Variants in TLR6 observed in about 807,000 individuals in gnomAD.
TLR6 encodes toll like receptor 6.
A neutral mutation model predicts 16.1 loss-of-function variants in TLR6; 9 were observed. The ratio of observed to expected loss-of-function variants is 0.56; its 90% CI spans 0.34 to 0.98. The LOEUF (loss-of-function observed/expected upper bound fraction) is 0.98. Ranked by LOEUF, TLR6 falls within the 50% of genes least tolerant of loss-of-function variation. The pLI is 0.02. For synonymous variants in TLR6, 340 were observed against 338.6 expected (o/e 1.00, Z -0.04); for missense variants, 786 against 921.0 (o/e 0.85, Z 1.90).
exon 2 of TLR6, chr4:38,824,005 G>C: frequency 6.6e-6 from 1 of 152,428 alleles, no homozygotes; most frequent in East Asian, 1.9e-4. Context: ...GGCCAAGGTC[G>C]GGCGCCCGGG....
exon 2 of TLR6, chr4:38,828,006 C>T: frequency 6.2e-7 from 1 of 1,614,104 alleles, no homozygotes; most frequent in South Asian, 1.1e-5. Flanking sequence ...CTGCCACATC[C>T]AGGAAGGTCA....
the TLR6 span, among the ~76,000 whole-genome samples, chr4:38,866,845 G>A: frequency 6.6e-6 from 1 of 152,076 alleles, no homozygotes; most frequent in Non-Finnish European, 1.5e-5. Context: ...GGAGAGACTA[G>A]GGCTATTTTT....
chr4:38,832,092 C>A (rs755015485), intron 1 of TLR6, among the ~76,000 whole-genome samples: 1 of 152,142 alleles, frequency 6.6e-6, no homozygotes, highest in Non-Finnish European at 1.5e-5. Context: ...ACATTGGAAG[C>A]AACAAGATAT....
At chr4:38,848,696 G>T (rs1712641773) in intron 1 of TLR6, among the ~76,000 whole-genome samples, 1 of 152,170 alleles carries the variant, frequency 6.6e-6, no homozygotes, top group Non-Finnish European at 1.5e-5. Context: ...ATGATCAAAT[G>T]AATGAAATGA....
chr4:38,823,176 G>A (rs1370303574), downstream of TLR6, among the ~76,000 whole-genome samples: 2 of 152,058 alleles, frequency 1.3e-5, no homozygotes, highest in Non-Finnish European at 2.9e-5. Context: ...ATTTGGGTGG[G>A]GACACAGCCA....
At chr4:38,853,481 A>G (rs902358598) in intron 1 of TLR6, among the ~76,000 whole-genome samples, 20 of 152,178 alleles carry the variant, frequency 1.3e-4, no homozygotes, top group African/African-American at 4.1e-4. Flanking sequence ...AAGAAAGAAA[A>G]TCATTATTAT....
At chr4:38,865,758 G>A in the TLR6 span, among the ~76,000 whole-genome samples, 4 of 152,206 alleles carry the variant, frequency 2.6e-5, no homozygotes, top group Non-Finnish European at 5.9e-5. Context: ...TCAAAGTCTC[G>A]CTCAATTCAA....
chr4:38,838,967 G>GAGGGA (rs144537573), intron 1 of TLR6, among the ~76,000 whole-genome samples: 15,131 of 128,756 alleles, frequency 0.12, 2,011 homozygotes, highest in African/African-American at 0.32. Context: ...GAAGGAAGGG[G>GAGGGA]AGGAAGGAAA....
chr4:38,830,915 G>A (rs903877900), intron 1 of TLR6, among the ~76,000 whole-genome samples: 2 of 152,046 alleles, frequency 1.3e-5, no homozygotes, highest in African/African-American at 4.8e-5. Flanking sequence ...AAAAGCAAAT[G>A]GAAAGAGATT....
At chr4:38,855,424 T>C (rs1712942917) in intron 1 of TLR6, among the ~76,000 whole-genome samples, 1 of 152,210 alleles carries the variant, frequency 6.6e-6, no homozygotes, top group South Asian at 2.1e-4. Flanking sequence ...ATTTTGAATG[T>C]CCTTTATAAT....
At chr4:38,862,121 C>T in the TLR6 span, among the ~76,000 whole-genome samples, 20 of 152,308 alleles carry the variant, frequency 1.3e-4, no homozygotes, top group Admixed American at 2.0e-4. Flanking sequence ...TCTACCTGAA[C>T]TCTTGCTGTC....
At chr4:38,868,029 C>T in the TLR6 span, 5 of 424,214 alleles carry the variant, frequency 1.2e-5, no homozygotes, top group Admixed American at 4.8e-5. Flanking sequence ...GCGGCGCGGC[C>T]GAGGGACCTG....
At chr4:38,829,983 T>C (rs56397410) in intron 1 of TLR6, among the ~76,000 whole-genome samples, 1 of 152,166 alleles carries the variant, frequency 6.6e-6, no homozygotes, top group South Asian at 2.1e-4. Flanking sequence ...GAGAAAGATA[T>C]GTGGGAGAAA....
intron 1 of TLR6, among the ~76,000 whole-genome samples, chr4:38,834,514 G>A (rs1470363783): frequency 6.6e-6 from 1 of 151,934 alleles, no homozygotes; most frequent in African/African-American, 2.4e-5. Context: ...TCTTACAAGA[G>A]GTATAGACAT....
At chr4:38,827,146 G>A (rs1260605260) in exon 2 of TLR6, 1 of 1,613,746 alleles carries the variant, frequency 6.2e-7, no homozygotes, top group Non-Finnish European at 8.5e-7. Context: ...CGGCTCTAAT[G>A]TTAGCCCAAA....
chr4:38,853,124 G>A lies in TLR6; in HGVS notation c.-65+3637C>T, dbSNP rs190926618. 1.2e-3 allele frequency among the ~76,000 whole-genome samples: 178 copies of A among 148,714 alleles called. 8 individuals carry two copies. The East Asian group carries it at 0.03, about 25-fold the overall frequency. Reference sequence around the variant, plus strand: ...GAAACCATCATTCTCGTAAACTATCGCAAGGACAAAAAACCAAACACCGCA... The same window carrying A: ...GAAACCATCATTCTCGTAAACTATCACAAGGACAAAAAACCAAACACCGCA... On this transcript the variant is annotated intron_variant, in intron 1 of 1. Transcript: ENST00000436693.
upstream of TLR6, among the ~76,000 whole-genome samples, chr4:38,858,893 A>G (rs562892388): frequency 1.2e-4 from 18 of 148,274 alleles, 1 homozygote; most frequent in South Asian, 3.6e-3. Context: ...GAAAGAGAGA[A>G]AGAAAGAAAG....
At chr4:38,824,619 G>A (rs1463139665) in exon 2 of TLR6, 1 of 152,174 alleles carries the variant, frequency 6.6e-6, no homozygotes, top group African/African-American at 2.4e-5. Flanking sequence ...TTAGGCAACA[G>A]TTTAAAAAAT....
chr4:38,831,741 C>A (rs1424011957), intron 1 of TLR6, among the ~76,000 whole-genome samples: 2 of 152,130 alleles, frequency 1.3e-5, no homozygotes, highest in East Asian at 1.9e-4. Flanking sequence ...ATGTAAAGAG[C>A]AAATACACAT....
Sources: gnomAD v4.1 joint callset for allele counts (sites outside exome capture counted in the v4.1 genomes callset) on GRCh38, gnomAD v4.1.1 for gene constraint, MANE v1.5 for transcripts, NCBI Gene and HGNC (gene_info 2026-07-23, HGNC 2026-07-21) for gene names.